Variants in ANKS1A observed in about 807,000 individuals in gnomAD.
ANKS1A encodes the protein ankyrin repeat and SAM domain-containing protein 1A.
A neutral mutation model predicts 120.3 loss-of-function variants in ANKS1A; 55 were observed. The observed-to-expected ratio is 0.46, with a 90% CI of 0.37 to 0.57. The LOEUF (loss-of-function observed/expected upper bound fraction) is 0.57. Among genes scored for constraint, ANKS1A ranks in the 20% least tolerant of loss-of-function variants. The pLI, the probability that ANKS1A is intolerant of heterozygous loss-of-function variation, is 0.00. For synonymous variants in ANKS1A, 590 were observed against 604.7 expected, an observed-to-expected ratio of 0.98 and a Z score of 0.36; for missense variants, 1,123 against 1,480.3, an observed-to-expected ratio of 0.76 and a Z score of 3.96.
At position 35,084,272 on chromosome 6, in the gene ANKS1A, T is replaced by C; in HGVS notation, c.3132+14T>C. On this transcript the variant is annotated intron_variant, in intron 21 of 23. Transcript: ENST00000360359. The surrounding 1 kb of genome is among the most constrained non-coding windows in gnomAD (Gnocchi z 4.8). ...ACCGTGGATGTGGTGGGTGGGGTCC[T>C]GGGGCCGGGTGGGGCAGGCTTGGGT... 1 of 1,612,562 alleles carries C rather than the reference T, an allele frequency of 6.2e-7. No homozygotes were observed. Among genetic ancestry groups the C allele is most frequent in the Non-Finnish European group, 8.5e-7 (1 of 1,179,448 alleles).
Position 35,086,472 on chromosome 6 carries a change from C to A in ANKS1A, c.3304-480C>A. On this transcript the variant is annotated intron_variant, in intron 22 of 23. Transcript: ENST00000360359. This position sits in a 1 kb window ranked among gnomAD's most constrained non-coding sequence, Gnocchi z 5.1. ...CCTCTGCCTGTGTGACATTCTTTCC[C>A]CTCTTCCTGAGATGCCCTCTGCCTG... is the stretch of plus-strand genomic sequence containing the variant. 1.3e-6 allele frequency: 1 copy of A among 780,102 alleles called. No homozygotes were observed. The highest frequency in any genetic ancestry group is 1.9e-6 in the Non-Finnish European group (1 of 525,782). The allele number at this position is 780,102 out of a possible 1,614,324, so 48.3% of individuals were successfully genotyped here.
Position 35,089,430 on chromosome 6 carries a change from C to G in ANKS1A, c.*821C>G. ...CTGCCCTGGGCTGGCCGGCGCCGTACTGCCTGCGTTGTGTCAGAGAATAGG... is the reference window on the plus strand; with the variant it reads ...CTGCCCTGGGCTGGCCGGCGCCGTAGTGCCTGCGTTGTGTCAGAGAATAGG... On this transcript the variant is annotated 3_prime_UTR_variant, in exon 24 of 24. Coordinates refer to ENST00000360359, the MANE Select transcript of ANKS1A (RefSeq NM_015245.3). 3.0e-6 allele frequency: 3 copies of G among 986,766 alleles called. No individual in the cohort carries two copies. The highest frequency in any genetic ancestry group is 3.6e-6 in the Non-Finnish European group (3 of 830,658). The allele number at this position is 986,766 out of a possible 1,614,324, so 61.1% of individuals were successfully genotyped here.
chr6:35,046,973 G>C (rs1775750298), intron 11 of ANKS1A, among the ~76,000 whole-genome samples: 1 of 152,128 alleles, frequency 6.6e-6, no homozygotes. Flanking sequence ...GCCTATTCTA[G>C]AACTTCATAT....
At chr6:35,067,075 G>C (rs370237322) in intron 13 of ANKS1A, among the ~76,000 whole-genome samples, 15 of 152,180 alleles carry the variant, frequency 9.9e-5, no homozygotes, top group Non-Finnish European at 1.6e-4. Context: ...TTGCATAGTA[G>C]CTGGTACTGG....
At chr6:34,957,755 A>G (rs1770443499) in intron 1 of ANKS1A, among the ~76,000 whole-genome samples, 1 of 152,202 alleles carries the variant, frequency 6.6e-6, no homozygotes, top group African/African-American at 2.4e-5. Flanking sequence ...GGAGACCCAC[A>G]GAGATGCACG....
At chr6:34,941,798 C>G (rs1242793094) in intron 1 of ANKS1A, among the ~76,000 whole-genome samples, 3 of 152,242 alleles carry the variant, frequency 2.0e-5, no homozygotes, top group East Asian at 3.9e-4. Flanking sequence ...CACAAAGCAG[C>G]AGAATATATG....
At chr6:34,928,450 A>G (rs1768822408) in intron 1 of ANKS1A, among the ~76,000 whole-genome samples, 1 of 152,166 alleles carries the variant, frequency 6.6e-6, no homozygotes, top group Non-Finnish European at 1.5e-5. Flanking sequence ...CCAAACTCCC[A>G]AGTAAAAGCA....
At position 35,033,004 on chromosome 6, in the gene ANKS1A, A is replaced by G. The variant is rs533068789; in HGVS notation, c.2010+14945A>G. On this transcript the variant is annotated intron_variant, in intron 11 of 23. Coordinates refer to ENST00000360359, the MANE Select transcript of ANKS1A (RefSeq NM_015245.3). ...GGCATTTAAATGTCAAATATGTTTT[A>G]AGCTAACTTCATTCACTGCCCGTTC... Among the ~76,000 whole-genome samples the G allele has an allele frequency of 2.0e-5, 3 of 152,344 alleles. No individual in the cohort carries two copies. The South Asian group carries it at 6.2e-4, about 32-fold the overall frequency.
intron 10 of ANKS1A, among the ~76,000 whole-genome samples, chr6:35,015,916 A>G (rs114382872): frequency 0.01 from 1,565 of 152,318 alleles, 28 homozygotes; most frequent in African/African-American, 0.035. Context: ...CTGAACCTCA[A>G]GAAGGGGCTT....
At chr6:35,066,105 G>T (rs1365131011) in intron 13 of ANKS1A, among the ~76,000 whole-genome samples, 1 of 152,166 alleles carries the variant, frequency 6.6e-6, no homozygotes, top group Admixed American at 6.5e-5. Context: ...CCTGTTCGTC[G>T]TCTGTCACGC....
intron 11 of ANKS1A, among the ~76,000 whole-genome samples, chr6:35,031,670 C>G (rs1011884178): frequency 6.6e-6 from 1 of 152,148 alleles, no homozygotes; most frequent in Non-Finnish European, 1.5e-5. Flanking sequence ...TTCTCTAGCT[C>G]ATCTTACTTG....
rs1777552037 is a variant in ANKS1A, at chr6:35,079,552, A to G, written c.2320A>G (p.Ser774Gly). The G allele has an allele frequency of 1.2e-6, 2 of 1,613,750 alleles. No individual in the cohort carries two copies. The highest frequency in any genetic ancestry group is 1.7e-6 in the Non-Finnish European group (2 of 1,179,822). The change falls in exon 15 of 24, where the codon AGC becomes GGC. Residue 774 changes from serine to glycine, a missense_variant. Coordinates refer to ENST00000360359, the MANE Select transcript of ANKS1A (RefSeq NM_015245.3). ...GGGTTATGACGGGAACAGCCCCCCTAGCGTGCCCTCCTGGCTGGACTCCCT... is the reference window on the plus strand; with the variant it reads ...GGGTTATGACGGGAACAGCCCCCCTGGCGTGCCCTCCTGGCTGGACTCCCT... ...ALGYDGNSPPSVPSWLDSLGL... is the reference protein window; with the variant it reads ...ALGYDGNSPPGVPSWLDSLGL...
intron 1 of ANKS1A, among the ~76,000 whole-genome samples, chr6:34,893,556 C>T (rs1031588286): frequency 6.6e-6 from 1 of 152,190 alleles, no homozygotes; most frequent in African/African-American, 2.4e-5. Context: ...CCATGATATA[C>T]TTTGTGCCAG....
chr6:35,016,131 C>T (rs1269292172), intron 10 of ANKS1A, among the ~76,000 whole-genome samples: 1 of 152,112 alleles, frequency 6.6e-6, no homozygotes, highest in Non-Finnish European at 1.5e-5. Flanking sequence ...ACGCTGAGGC[C>T]CAATAAGATG....
At position 34,916,061 on chromosome 6, in the gene ANKS1A, C is replaced by T. The variant is rs184212703; in HGVS notation, c.197+26462C>T. 1.9e-3 allele frequency among the ~76,000 whole-genome samples: 278 copies of T among 143,616 alleles called. 1 individual carries two copies. The highest frequency in any genetic ancestry group is 6.7e-3 in the African/African-American group (255 of 37,924). 94.2% of individuals were successfully genotyped at this position (143,616 alleles called of 152,430 possible). A position where few individuals can be genotyped will look rare whatever the true frequency, so the allele number is the denominator to read the frequency against. On this transcript the variant is annotated intron_variant, in intron 1 of 23. Coordinates refer to ENST00000360359, the MANE Select transcript of ANKS1A (RefSeq NM_015245.3). ...AGGCTGGAGTGCAGTGGTGCAATCT[C>T]GGCTCACTGCAACCTCCACCTCCCG...
Position 35,057,984 on chromosome 6 carries a change from T to C in ANKS1A, c.2078-2163T>C, listed in dbSNP as rs193283109. On this transcript the variant is annotated intron_variant, in intron 12 of 23. Coordinates refer to ENST00000360359, the MANE Select transcript of ANKS1A (RefSeq NM_015245.3). The surrounding 1 kb of genome is among the most constrained non-coding windows in gnomAD (Gnocchi z 4.1). ...CCCTGGAGCTAGAGGTAAAGTTTCA[T>C]ATCTCCGCCCTTCATATGCATTTGT... Among the ~76,000 whole-genome samples the C allele has an allele frequency of 2.6e-5, 4 of 152,356 alleles. No individual in the cohort carries two copies. Among genetic ancestry groups the C allele is most frequent in the Non-Finnish European group, 4.4e-5 (3 of 68,034 alleles).
At position 34,968,790 on chromosome 6, in the gene ANKS1A, G is replaced by A. The variant is rs76918884; in HGVS notation, c.279-1220G>A. Among the ~76,000 whole-genome samples the A allele has an allele frequency of 1.6e-3, 246 of 151,802 alleles. 3 individuals are homozygous for A. In the East Asian group the frequency reaches 0.044, roughly 27 times the overall value. ...TATTGGAATCATTTTAGATTTTGCT[G>A]AGCAAGGAGCTCCAGAGCCCTCTAC... is the stretch of plus-strand genomic sequence containing the variant. On this transcript the variant is annotated intron_variant, in intron 2 of 23. Coordinates refer to ENST00000360359, the MANE Select transcript of ANKS1A (RefSeq NM_015245.3).
At chr6:35,017,101 T>C (rs1020519962) in intron 10 of ANKS1A, among the ~76,000 whole-genome samples, 3 of 152,200 alleles carry the variant, frequency 2.0e-5, no homozygotes, top group African/African-American at 7.2e-5. Context: ...TCATGTTCAC[T>C]CACTCTGTCC....
At chr6:34,949,840 A>G (rs972423771) in intron 1 of ANKS1A, among the ~76,000 whole-genome samples, 2 of 152,234 alleles carry the variant, frequency 1.3e-5, no homozygotes, top group Non-Finnish European at 2.9e-5. Flanking sequence ...GAAGAGCTCC[A>G]TTCAGAAGCA....
Sources: allele counts gnomAD v4.1 joint callset (sites outside exome capture counted in the v4.1 genomes callset), GRCh38; gene constraint gnomAD v4.1.1; non-coding constraint Gnocchi (gnomAD v3.1); transcripts MANE v1.5; gene names NCBI Gene and HGNC (gene_info 2026-07-23, HGNC 2026-07-21).